The following HSPA14 variants were observed in gnomAD, a reference collection of about 807,000 sequenced individuals.
The protein encoded by HSPA14 is heat shock protein family A (Hsp70) member 14.
A neutral mutation model predicts 65.5 loss-of-function variants in HSPA14; 37 were observed. The observed-to-expected ratio is 0.56, with a 90% CI of 0.43 to 0.74. The LOEUF (loss-of-function observed/expected upper bound fraction) is 0.74. Ranked by LOEUF, HSPA14 falls within the 30% of genes least tolerant of loss-of-function variation. The pLI is 0.00. For missense variants in HSPA14, 564 were observed against 607.6 expected, an observed-to-expected ratio of 0.93 and a Z score of 0.75; for synonymous variants, 203 against 214.2, an observed-to-expected ratio of 0.95 and a Z score of 0.46.
At chr10:14,841,034 A>G (rs999197600) in intron 3 of HSPA14, 2 of 152,150 alleles carry the variant, frequency 1.3e-5, no homozygotes, top group African/African-American at 4.8e-5. Context: ...TTAAGTAAAA[A>G]TGTCCTGGTG....
Position 14,842,126 on chromosome 10 carries a change from C to A in HSPA14, c.221+1969C>A, listed in dbSNP as rs1456875504. 9 of 1,529,596 alleles carry A rather than the reference C, an allele frequency of 5.9e-6. No homozygotes were observed. The highest frequency in any genetic ancestry group is 7.9e-6 in the Non-Finnish European group (9 of 1,142,374). 94.8% of individuals were successfully genotyped at this position (1,529,596 alleles called of 1,614,324 possible). On this transcript the variant is annotated intron_variant, in intron 3 of 13. Coordinates refer to ENST00000378372, the MANE Select transcript of HSPA14 (RefSeq NM_016299.4). This position sits in a 1 kb window ranked among gnomAD's most constrained non-coding sequence, Gnocchi z 5.2. ...TCCTGTAACTCTCATTCCCCTGTGG[C>A]CTTCCAGCCAGAAATGCGGTCCTTG...
chr10:14,863,168 G>A (rs549847435), intron 10 of HSPA14, among the ~76,000 whole-genome samples: 15 of 152,222 alleles, frequency 9.9e-5, no homozygotes, highest in African/African-American at 3.6e-4. Flanking sequence ...TTGGTTATGA[G>A]GAGGTATTCT....
At chr10:14,859,387 AT>A (rs1341986717) in intron 10 of HSPA14, among the ~76,000 whole-genome samples, 1 of 152,224 alleles carries the variant, frequency 6.6e-6, no homozygotes, top group Non-Finnish European at 1.5e-5. Context: ...CTTTTCGGCT[AT>A]CTCAAACTTC....
rs779599589 is a variant in HSPA14 at position 14,867,114 on chromosome 10, C to A, written c.1025C>A (p.Pro342Gln). The change falls in exon 11 of 14, where the codon CCA (proline) becomes CAA (glutamine). Residue 342 changes from proline (P) to glutamine (Q), a missense_variant. Physicochemically the swap from Pro to Gln is moderately conservative, Grantham distance 76. Transcript: ENST00000378372. Reference protein sequence around the residue: ...VVLCGGSSRIPKLQQLIKDLF... With the variant: ...VVLCGGSSRIQKLQQLIKDLF... ...CTTTGTGGAGGGTCTTCTCGAATCC[C>A]AAAGCTACAGCAACTGATTAAAGAT... 4 of 1,613,432 alleles carry A rather than the reference C, an allele frequency of 2.5e-6. No homozygotes were observed. The African/African-American group carries it at 4.0e-5, about 16-fold the overall frequency.
intron 4 of HSPA14, 35 bp from the exon 5 acceptor site, chr10:14,848,752 AAAT>A (rs1249014215): frequency 6.9e-7 from 1 of 1,442,898 alleles, no homozygotes. Context: ...TTTTTATTAA[AAAT>A]TATTTATTTA....
chr10:14,842,030 C>T lies in HSPA14; in HGVS notation c.221+1873C>T. 1 of 794,702 alleles carries T rather than the reference C, an allele frequency of 1.3e-6. No homozygotes were observed. Among genetic ancestry groups the T allele is most frequent in the South Asian group, 1.5e-5 (1 of 66,708 alleles). 49.2% of individuals were successfully genotyped at this position (794,702 alleles called of 1,614,324 possible). ...CAAAGTTGGGCTATCTCAGTCTTGG[C>T]CTCATGCCTGTTTATGACCTACTCA... On this transcript the variant is annotated intron_variant, in intron 3 of 13. Coordinates refer to ENST00000378372, the MANE Select transcript of HSPA14 (RefSeq NM_016299.4). The surrounding 1 kb of genome is among the most constrained non-coding windows in gnomAD (Gnocchi z 5.2).
At position 14,870,732 on chromosome 10, in the gene HSPA14, T is replaced by C. The variant is rs867236530; in HGVS notation, c.1451+65T>C. On this transcript the variant is annotated intron_variant, in intron 13 of 13. Transcript: ENST00000378372. ...GATACTTGACCATTTTTTGAGTTTA[T>C]TGATTTTTTTATTTATTGTCATTCT... The C allele has an allele frequency of 2.9e-5, 39 of 1,350,240 alleles. No homozygotes were observed. In the Middle Eastern group the frequency reaches 1.5e-3, roughly 53 times the overall value. The allele number at this position is 1,350,240 out of a possible 1,614,324, so 83.6% of individuals were successfully genotyped here. A position where few individuals can be genotyped will look rare whatever the true frequency, so the allele number is the denominator to read the frequency against.
intron 3 of HSPA14, among the ~76,000 whole-genome samples, chr10:14,840,650 T>G (rs994654462): frequency 2.0e-5 from 3 of 152,236 alleles, no homozygotes; most frequent in Admixed American, 6.5e-5. Context: ...TAACGTCTTA[T>G]GTAAGAATCA....
intron 5 of HSPA14, chr10:14,849,316 T>G (rs989662742): frequency 2.3e-6 from 1 of 436,534 alleles, no homozygotes; most frequent in Non-Finnish European, 4.6e-6. Flanking sequence ...CTGGAATAGA[T>G]TGTTTATAAG....
At chr10:14,864,171 G>C (rs1469577170) in intron 10 of HSPA14, among the ~76,000 whole-genome samples, 1 of 149,998 alleles carries the variant, frequency 6.7e-6, no homozygotes, top group Admixed American at 6.7e-5. Flanking sequence ...TGAGGCTGCA[G>C]TGAGCTATGA....
At position 14,842,761 on chromosome 10, in the gene HSPA14, A is replaced by G. The variant is rs1484787890; in HGVS notation, c.221+2604A>G. On this transcript the variant is annotated intron_variant, in intron 3 of 13. Transcript: ENST00000378372. The surrounding 1 kb of genome is among the most constrained non-coding windows in gnomAD (Gnocchi z 5.2). ...CTATCTTGAAAACAGTTAAGGCATC[A>G]GATGAGGATTGTCAGCTAAGAATCA... 27 of 1,536,456 alleles carry G rather than the reference A, an allele frequency of 1.8e-5. No individual in the cohort carries two copies. Among genetic ancestry groups the G allele is most frequent in the Non-Finnish European group, 2.1e-5 (24 of 1,146,996 alleles).
At chr10:14,843,155 C>T (rs562992252) in intron 3 of HSPA14, among the ~76,000 whole-genome samples, 1 of 152,220 alleles carries the variant, frequency 6.6e-6, no homozygotes, top group African/African-American at 2.4e-5. Flanking sequence ...TAGCTATGTA[C>T]AAAGGGGTTC....
chr10:14,855,387 C>G (rs1834138724), intron 9 of HSPA14, among the ~76,000 whole-genome samples: 1 of 152,090 alleles, frequency 6.6e-6, no homozygotes, highest in Non-Finnish European at 1.5e-5. Context: ...AACTTATGTC[C>G]AACATGGTCT....
chr10:14,869,646 A>G (rs896996146), intron 12 of HSPA14, among the ~76,000 whole-genome samples: 3 of 152,208 alleles, frequency 2.0e-5, no homozygotes, highest in Non-Finnish European at 4.4e-5. Flanking sequence ...ACACACATGC[A>G]TAACATGCCT....
chr10:14,839,844 C>A, intron 1 of HSPA14, 61 bp from the exon 2 acceptor site: 2 of 1,237,846 alleles, frequency 1.6e-6, no homozygotes, highest in Non-Finnish European at 2.3e-6. Context: ...AACACTGGTG[C>A]ACAAATGCAC....
chr10:14,857,184 C>T (rs1250772239), intron 10 of HSPA14, among the ~76,000 whole-genome samples: 1 of 152,124 alleles, frequency 6.6e-6, no homozygotes, highest in Admixed American at 6.5e-5. Context: ...CACTGTGGTC[C>T]TGTTGTAGAC....
At chr10:14,859,383 G>A (rs748927553) in intron 10 of HSPA14, among the ~76,000 whole-genome samples, 8 of 152,072 alleles carry the variant, frequency 5.3e-5, no homozygotes, top group Non-Finnish European at 1.2e-4. Flanking sequence ...GCCTCTTTTC[G>A]GCTATCTCAA....
At chr10:14,854,499 A>G (rs1164557239) in intron 9 of HSPA14, among the ~76,000 whole-genome samples, 2 of 152,188 alleles carry the variant, frequency 1.3e-5, no homozygotes, top group African/African-American at 4.8e-5. Context: ...TATGGCTACA[A>G]TTAGGAGTGT....
In HSPA14 at chr10:14,849,653, A is replaced by G. The variant is rs529329652; in HGVS notation, c.377-68A>G. 55 of 1,224,816 alleles carry G rather than the reference A, an allele frequency of 4.5e-5. No homozygotes were observed. The African/African-American group carries it at 5.9e-4, about 13-fold the overall frequency. The allele number at this position is 1,224,816 out of a possible 1,614,324, so 75.9% of individuals were successfully genotyped here. A position where few individuals can be genotyped will look rare whatever the true frequency, so the allele number is the denominator to read the frequency against. On this transcript the variant is annotated intron_variant, in intron 5 of 13. Transcript: ENST00000378372. ...TAAGTGAGATCTTTGTCATAAATTA[A>G]TAAACCTCAGAAAGTATCACTTGTC...
Sources: allele counts gnomAD v4.1 joint callset (sites outside exome capture counted in the v4.1 genomes callset), GRCh38; gene constraint gnomAD v4.1.1; non-coding constraint Gnocchi (gnomAD v3.1); transcripts MANE v1.5; gene names NCBI Gene and HGNC (gene_info 2026-07-23, HGNC 2026-07-21).